Variants in GUCY1A2 observed in about 807,000 individuals in gnomAD.
GUCY1A2 encodes the protein guanylate cyclase 1 soluble subunit alpha 2, also known as guanylate cyclase soluble subunit alpha-2.
GUCY1A2 carries 27 observed loss-of-function variants against 63.5 expected under a neutral mutation model. That is an observed-to-expected ratio of 0.43 (90% CI 0.31 to 0.59). GUCY1A2 has a LOEUF of 0.59. GUCY1A2 is among the 20% of genes least tolerant of loss of function. GUCY1A2 has a pLI of 0.11. For missense variants in GUCY1A2, 768 were observed against 913.3 expected (o/e 0.84, Z 2.05); for synonymous variants, 364 against 343.5 (o/e 1.06, Z -0.66).
chr11:106,754,251 T>G (rs1863933909), intron 6 of GUCY1A2, among the ~76,000 whole-genome samples: 1 of 152,194 alleles, frequency 6.6e-6, no homozygotes, highest in South Asian at 2.1e-4. Flanking sequence ...TAAGGAGATT[T>G]GGGGCTGAGA....
At position 106,882,204 on chromosome 11, in the gene GUCY1A2, T is replaced by C. The variant is rs142534443; in HGVS notation, c.1206+57256A>G. Among the ~76,000 whole-genome samples, 354 of 152,134 alleles carry C rather than the reference T, an allele frequency of 2.3e-3. 1 individual carries two copies. Among genetic ancestry groups the C allele is most frequent in the African/African-American group, 8.1e-3 (338 of 41,562 alleles). On this transcript the variant is annotated intron_variant, in intron 4 of 7. Coordinates refer to ENST00000526355, the MANE Select transcript of GUCY1A2 (RefSeq NM_000855.3). ...ATAACATCTGGAGATGGGAGGTTTA[T>C]AGATGCATCACCATTATCTAAGTGG...
intron 4 of GUCY1A2, among the ~76,000 whole-genome samples, chr11:106,872,823 TACAC>T (rs1859698813): frequency 6.6e-6 from 1 of 152,180 alleles, no homozygotes; most frequent in Non-Finnish European, 1.5e-5. Context: ...TAAATTCAGC[TACAC>T]ATGTGCAGAA....
chr11:106,799,926 A>G (rs893337970), intron 5 of GUCY1A2, among the ~76,000 whole-genome samples: 13 of 152,222 alleles, frequency 8.5e-5, no homozygotes, highest in African/African-American at 3.1e-4. Context: ...CTGCACAGCA[A>G]AAGAAACCAC....
intron 4 of GUCY1A2, among the ~76,000 whole-genome samples, chr11:106,873,137 T>C (rs1429971844): frequency 1.3e-5 from 2 of 152,208 alleles, no homozygotes; most frequent in Non-Finnish European, 2.9e-5. Flanking sequence ...CCGTGGTATA[T>C]ATGTACCACA....
rs1374127136 is a variant in GUCY1A2, at chr11:106,810,218, C to T, written c.1467G>A (p.Lys489=). ...THQALEEEKK[K]TVDLLYSIFP... ...AAATAGAATATAGAAGATCCACTGT[C>T]TTCTTTTTCTCTTCTTCCAGGGCCT... is the stretch of plus-strand genomic sequence containing the variant. Residue 489 remains lysine, a synonymous_variant, in exon 5 of 8, where the codon AAG becomes AAA. Transcript: ENST00000526355. 3.7e-6 allele frequency: 6 copies of T among 1,613,830 alleles called. No homozygotes were observed. The highest frequency in any genetic ancestry group is 5.1e-6 in the Non-Finnish European group (6 of 1,179,914).
intron 4 of GUCY1A2, among the ~76,000 whole-genome samples, chr11:106,891,129 G>C (rs1326856042): frequency 6.6e-6 from 1 of 152,100 alleles, no homozygotes; most frequent in Non-Finnish European, 1.5e-5. Flanking sequence ...CCTTATCCTT[G>C]CTGATATTTA....
chr11:106,891,663 T>C (rs916994249), intron 4 of GUCY1A2, among the ~76,000 whole-genome samples: 1 of 152,146 alleles, frequency 6.6e-6, no homozygotes, highest in Non-Finnish European at 1.5e-5. Flanking sequence ...CACTATTTAA[T>C]GTAAAGGTCT....
At chr11:106,999,905 A>C (rs1343415446) in intron 1 of GUCY1A2, among the ~76,000 whole-genome samples, 1 of 152,226 alleles carries the variant, frequency 6.6e-6, no homozygotes, top group Non-Finnish European at 1.5e-5. Context: ...ATGGTAGAAA[A>C]TTACATTTAC....
In GUCY1A2 at chr11:106,674,155, CTT is replaced by C. The variant is rs760267155; in HGVS notation, c.*13392_*13393del. 7.1e-5 allele frequency: 13 copies of C among 183,590 alleles called. No homozygotes were observed. In the South Asian group the frequency reaches 1.6e-3, roughly 22 times the overall value. The allele number at this position is 183,590 out of a possible 1,614,324, so 11.4% of individuals were successfully genotyped here. On this transcript the variant is annotated 3_prime_UTR_variant, in exon 8 of 8. Transcript: ENST00000526355. Reference sequence around the variant, plus strand: ...ATATAACACAGAACTATCATTTCCACTTTGTTTTATAAGAATCCCACGTTTCC... The same window carrying C: ...ATATAACACAGAACTATCATTTCCACTGTTTTATAAGAATCCCACGTTTCC...
At chr11:106,988,884 G>C (rs1317214297) in intron 1 of GUCY1A2, among the ~76,000 whole-genome samples, 2 of 152,186 alleles carry the variant, frequency 1.3e-5, no homozygotes, top group Non-Finnish European at 2.9e-5. Flanking sequence ...TGATCAGTGA[G>C]AGACAAATTC....
chr11:106,716,794 AGATAAG>A (rs1565267700), intron 6 of GUCY1A2, among the ~76,000 whole-genome samples: 9 of 117,008 alleles, frequency 7.7e-5, no homozygotes, highest in African/African-American at 1.5e-4. Flanking sequence ...AAAAAAAAAA[AGATAAG>A]AGTAAATCTC....
At chr11:106,745,297 G>C (rs1421356302) in intron 6 of GUCY1A2, among the ~76,000 whole-genome samples, 1 of 152,102 alleles carries the variant, frequency 6.6e-6, no homozygotes, top group Non-Finnish European at 1.5e-5. Flanking sequence ...TGACATGTGT[G>C]AATGGACACA....
chr11:106,922,662 CATATATATATATAT>C (rs6144495), intron 4 of GUCY1A2, among the ~76,000 whole-genome samples: 1,466 of 124,204 alleles, frequency 0.012, 4 homozygotes, highest in East Asian at 0.013. Flanking sequence ...TTGTTAACTA[CATATATATATATAT>C]ATATATATAT....
At chr11:106,762,021 G>C (rs1230997481) in intron 6 of GUCY1A2, among the ~76,000 whole-genome samples, 1 of 152,046 alleles carries the variant, frequency 6.6e-6, no homozygotes, top group Non-Finnish European at 1.5e-5. Context: ...TAATGAGGCA[G>C]GTCTACTTTA....
intron 3 of GUCY1A2, among the ~76,000 whole-genome samples, chr11:106,943,511 T>A (rs1185803808): frequency 6.6e-6 from 1 of 152,192 alleles, no homozygotes; most frequent in Non-Finnish European, 1.5e-5. Context: ...TGAAATACGA[T>A]CTGTTCCTTC....
At chr11:106,845,897 C>T (rs979269862) in intron 4 of GUCY1A2, among the ~76,000 whole-genome samples, 11 of 151,646 alleles carry the variant, frequency 7.3e-5, no homozygotes, top group Middle Eastern at 3.4e-3. Context: ...TTCCTTTCAA[C>T]GAAAAGATTT....
intron 6 of GUCY1A2, chr11:106,746,580 G>C: frequency 6.3e-7 from 1 of 1,595,844 alleles, no homozygotes; most frequent in Non-Finnish European, 8.5e-7. Flanking sequence ...GTTTCACTTT[G>C]ATGCTGATCT....
At chr11:106,764,198 G>T (rs1864118218) in intron 6 of GUCY1A2, among the ~76,000 whole-genome samples, 1 of 152,014 alleles carries the variant, frequency 6.6e-6, no homozygotes, top group Non-Finnish European at 1.5e-5. Flanking sequence ...AGTTTGCCTT[G>T]AGTTAGAATG....
chr11:106,854,923 G>A (rs552418532), intron 4 of GUCY1A2, among the ~76,000 whole-genome samples: 1 of 152,246 alleles, frequency 6.6e-6, no homozygotes, highest in South Asian at 2.1e-4. Context: ...AGGGTGTAGT[G>A]CACTGCATAG....
Sources: gnomAD v4.1 joint callset for allele counts (sites outside exome capture counted in the v4.1 genomes callset) on GRCh38, gnomAD v4.1.1 for gene constraint, MANE v1.5 for transcripts, NCBI Gene and HGNC (gene_info 2026-07-23, HGNC 2026-07-21) for gene names.